The following CERS6 variants were observed in gnomAD, a reference collection of about 807,000 sequenced individuals.
CERS6 encodes the protein LAG1 homolog, ceramide synthase 6.
Under a neutral mutation model 56.8 loss-of-function variants are expected in CERS6, and 26 were observed. The ratio of observed to expected loss-of-function variants is 0.46; its 90% CI spans 0.34 to 0.63. CERS6 has a LOEUF of 0.63. CERS6 is among the 30% of genes least tolerant of loss of function. The pLI is 0.01. For synonymous variants in CERS6, 164 were observed against 173.3 expected (o/e 0.95, Z 0.42); for missense variants, 415 against 467.5 (o/e 0.89, Z 1.04).
chr2:168,519,463 T>C (rs1169129935), intron 1 of CERS6, among the ~76,000 whole-genome samples: 1 of 152,148 alleles, frequency 6.6e-6, no homozygotes, highest in Non-Finnish European at 1.5e-5. Flanking sequence ...TTTCTAATGA[T>C]CTGTCACCCA....
chr2:168,456,767 C>T lies in CERS6; in HGVS notation c.170+149C>T. The T allele has an allele frequency of 2.8e-6, 2 of 722,056 alleles. No homozygotes were observed. The highest frequency in any genetic ancestry group is 4.5e-6 in the Non-Finnish European group (2 of 446,298). The allele number at this position is 722,056 out of a possible 1,614,324, so 44.7% of individuals were successfully genotyped here. A position where few individuals can be genotyped will look rare whatever the true frequency, so the allele number is the denominator to read the frequency against. On this transcript the variant is annotated intron_variant, in intron 1 of 9. Transcript: ENST00000305747. This position sits in a 1 kb window ranked among gnomAD's most constrained non-coding sequence, Gnocchi z 4.1. ...TGTTCGGGGAGGGGTTGCTGACCCC[C>T]CTGCCCCGCTGGCTTTCTGGGAGCC...
chr2:168,766,713 G>A (rs1684740663), intron 9 of CERS6, among the ~76,000 whole-genome samples: 1 of 152,178 alleles, frequency 6.6e-6, no homozygotes, highest in Non-Finnish European at 1.5e-5. Flanking sequence ...AGTTGGAGGG[G>A]GAGAGGATCA....
intron 1 of CERS6, among the ~76,000 whole-genome samples, chr2:168,475,494 G>A (rs1272345019): frequency 2.6e-5 from 4 of 151,998 alleles, no homozygotes. Flanking sequence ...GCTTCAAAGT[G>A]GTAGAGAACT....
chr2:168,504,885 A>G (rs1456004552), intron 1 of CERS6, among the ~76,000 whole-genome samples: 1 of 152,116 alleles, frequency 6.6e-6, no homozygotes, highest in African/African-American at 2.4e-5. Flanking sequence ...GTCTAAATGT[A>G]TGGTAATAGG....
intron 6 of CERS6, among the ~76,000 whole-genome samples, chr2:168,712,783 C>T (rs760315649): frequency 1.2e-4 from 18 of 151,966 alleles, no homozygotes; most frequent in Admixed American, 5.2e-4. Context: ...AAGAGTGTGA[C>T]GGGTAATGCC....
rs1306708342 is a variant in CERS6, at chr2:168,670,974, C to G, written c.466-20060C>G. Among the ~76,000 whole-genome samples the G allele has an allele frequency of 4.4e-5, 3 of 68,350 alleles. 1 individual carries two copies. The highest frequency in any genetic ancestry group is 8.6e-4 in the East Asian group (2 of 2,314). 44.8% of individuals were successfully genotyped at this position (68,350 alleles called of 152,430 possible). A position where few individuals can be genotyped will look rare whatever the true frequency, so the allele number is the denominator to read the frequency against. Reference sequence around the variant, plus strand: ...GGTGCTGGATACATGCTTCCCCCCCCCCCCCCAGACGGAAGCTTGCTCTGT... The same window carrying G: ...GGTGCTGGATACATGCTTCCCCCCCGCCCCCCAGACGGAAGCTTGCTCTGT... On this transcript the variant is annotated intron_variant, in intron 4 of 9. Transcript: ENST00000305747.
chr2:168,559,106 A>G (rs995711400), intron 2 of CERS6, among the ~76,000 whole-genome samples: 3 of 152,142 alleles, frequency 2.0e-5, no homozygotes, highest in Non-Finnish European at 2.9e-5. Context: ...ATAATGGTGT[A>G]GCCAAGGTAT....
At chr2:168,579,909 C>T (rs1036799939) in intron 3 of CERS6, among the ~76,000 whole-genome samples, 2 of 152,138 alleles carry the variant, frequency 1.3e-5, no homozygotes, top group African/African-American at 4.8e-5. Flanking sequence ...CGTTCTGCTC[C>T]ACATTTTCAA....
intron 1 of CERS6, among the ~76,000 whole-genome samples, chr2:168,505,063 A>G (rs1397951493): frequency 1.3e-5 from 2 of 152,096 alleles, no homozygotes; most frequent in Non-Finnish European, 2.9e-5. Context: ...GCAGAATGGT[A>G]TCTCCCTAAT....
chr2:168,747,790 G>A (rs1684151365), intron 8 of CERS6, among the ~76,000 whole-genome samples: 1 of 151,692 alleles, frequency 6.6e-6, no homozygotes, highest in South Asian at 2.1e-4. Context: ...TGCACTCACC[G>A]TTAGCCCTTA....
intron 3 of CERS6, among the ~76,000 whole-genome samples, chr2:168,621,644 G>A (rs1684473483): frequency 6.6e-6 from 1 of 152,144 alleles, no homozygotes; most frequent in Non-Finnish European, 1.5e-5. Flanking sequence ...CTACCTTGCT[G>A]GGTGCTTGAC....
chr2:168,472,875 AG>A lies in CERS6; in HGVS notation c.170+16259del, dbSNP rs536602449. Among the ~76,000 whole-genome samples, 534 of 152,322 alleles carry A rather than the reference AG, an allele frequency of 3.5e-3. 1 individual carries two copies. The highest frequency in any genetic ancestry group is 6.4e-3 in the Non-Finnish European group (436 of 68,024). On this transcript the variant is annotated intron_variant, in intron 1 of 9. Coordinates refer to ENST00000305747, the MANE Select transcript of CERS6 (RefSeq NM_203463.3). ...TTGTCATTTGAGACAATGGAAACAA[AG>A]GTATCCGATACTTTGGATTTGAAAA...
chr2:168,589,218 TTTCC>T (rs542174006), intron 3 of CERS6, among the ~76,000 whole-genome samples: 2 of 152,242 alleles, frequency 1.3e-5, no homozygotes, highest in Non-Finnish European at 2.9e-5. Context: ...ACTTTGTTTT[TTTCC>T]TTCCTTCCTT....
intron 8 of CERS6, among the ~76,000 whole-genome samples, chr2:168,718,649 C>A (rs1308160268): frequency 6.6e-6 from 1 of 152,210 alleles, no homozygotes; most frequent in African/African-American, 2.4e-5. Flanking sequence ...TTCCAACTTA[C>A]TGAAGAAAAA....
chr2:168,618,798 A>G (rs1183993830), intron 3 of CERS6, among the ~76,000 whole-genome samples: 3 of 152,216 alleles, frequency 2.0e-5, no homozygotes, highest in African/African-American at 4.8e-5. Flanking sequence ...GAAAATGACC[A>G]TACTGCCAAA....
intron 2 of CERS6, among the ~76,000 whole-genome samples, chr2:168,552,845 C>T (rs1431301293): frequency 6.6e-6 from 1 of 152,088 alleles, no homozygotes; most frequent in East Asian, 1.9e-4. Flanking sequence ...GCAACTCACA[C>T]AATATCAAAG....
At chr2:168,490,811 T>G (rs1279335560) in intron 1 of CERS6, among the ~76,000 whole-genome samples, 2 of 152,140 alleles carry the variant, frequency 1.3e-5, no homozygotes, top group Non-Finnish European at 2.9e-5. Context: ...AAAGTACGTC[T>G]ATACCTCAAA....
intron 1 of CERS6, among the ~76,000 whole-genome samples, chr2:168,479,494 G>A (rs544005394): frequency 4.6e-5 from 7 of 152,304 alleles, no homozygotes; most frequent in Non-Finnish European, 8.8e-5. Context: ...AGGGCACAAT[G>A]TAAGTACTGT....
At chr2:168,528,903 G>A (rs1232469785) in intron 1 of CERS6, among the ~76,000 whole-genome samples, 1 of 152,132 alleles carries the variant, frequency 6.6e-6, no homozygotes, top group Non-Finnish European at 1.5e-5. Context: ...AAAGTATAAG[G>A]CCTTGAATTC....
Sources: allele counts gnomAD v4.1 joint callset (sites outside exome capture counted in the v4.1 genomes callset), GRCh38; gene constraint gnomAD v4.1.1; non-coding constraint Gnocchi (gnomAD v3.1); transcripts MANE v1.5; gene names NCBI Gene and HGNC (gene_info 2026-07-23, HGNC 2026-07-21).